Variants in TMEM131 observed in about 807,000 individuals in gnomAD.
TMEM131 encodes the protein 2610524E03Rik.
A neutral mutation model predicts 211.6 loss-of-function variants in TMEM131; 66 were observed. The observed-to-expected ratio is 0.31, with a 90% CI of 0.26 to 0.38. The LOEUF is 0.38. Ranked by LOEUF, TMEM131 falls within the 10% of genes least tolerant of loss-of-function variation. The pLI, the probability that TMEM131 is intolerant of heterozygous loss-of-function variation, is 1.00. For missense variants in TMEM131, 2,036 were observed against 2,299.3 expected (o/e 0.89, Z 2.34); for synonymous variants, 844 against 841.3 (o/e 1.00, Z -0.06).
intron 7 of TMEM131, among the ~76,000 whole-genome samples, chr2:97,838,000 G>C (rs537467611): frequency 6.6e-6 from 1 of 152,174 alleles, no homozygotes; most frequent in South Asian, 2.1e-4. Flanking sequence ...CTTGTGTCTG[G>C]CTTCTTTTGC....
At chr2:97,807,343 C>T (rs1279418454) in intron 19 of TMEM131, among the ~76,000 whole-genome samples, 1 of 152,122 alleles carries the variant, frequency 6.6e-6, no homozygotes, top group Non-Finnish European at 1.5e-5. Context: ...AGGGGTGGAT[C>T]CCTCATGAAT....
intron 2 of TMEM131, among the ~76,000 whole-genome samples, chr2:97,909,148 C>G (rs1294323479): frequency 6.6e-6 from 1 of 151,990 alleles, no homozygotes; most frequent in Admixed American, 6.6e-5. Flanking sequence ...GTGCTGTGAA[C>G]AGGAATAAAT....
chr2:97,981,187 C>CT (rs542394085), intron 1 of TMEM131, among the ~76,000 whole-genome samples: 83 of 151,246 alleles, frequency 5.5e-4, no homozygotes, highest in African/African-American at 1.9e-3. Flanking sequence ...TTTCCTCATT[C>CT]TTTTTTAAGG....
rs750965149 is a variant in TMEM131 at position 97,834,771 on chromosome 2, T to C, written c.955+4A>G. On this transcript the variant is annotated splice_donor_region_variant and intron_variant, in intron 9 of 40. Transcript: ENST00000186436. Reference sequence around the variant, plus strand: ...ACTTTCGATTTCATCAGTTTTCCACTAACCTGTTGTAACTTCAACCTCAAC... The same window carrying C: ...ACTTTCGATTTCATCAGTTTTCCACCAACCTGTTGTAACTTCAACCTCAAC... 3.1e-6 allele frequency: 5 copies of C among 1,612,544 alleles called. No homozygotes were observed. In the Admixed American group the frequency reaches 8.4e-5, roughly 27 times the overall value.
chr2:97,939,974 C>G (rs567310776), intron 1 of TMEM131, among the ~76,000 whole-genome samples: 1 of 152,238 alleles, frequency 6.6e-6, no homozygotes, highest in Non-Finnish European at 1.5e-5. Context: ...ATTCAACATC[C>G]CTTCATGCTA....
intron 3 of TMEM131, among the ~76,000 whole-genome samples, chr2:97,900,038 G>A (rs1675783677): frequency 6.6e-6 from 1 of 152,032 alleles, no homozygotes; most frequent in Non-Finnish European, 1.5e-5. Flanking sequence ...TTTTAAGGTA[G>A]CCTAGTCTCC....
intron 4 of TMEM131, among the ~76,000 whole-genome samples, chr2:97,880,493 T>A (rs1240459574): frequency 6.6e-6 from 1 of 151,970 alleles, no homozygotes; most frequent in African/African-American, 2.4e-5. Context: ...GTAGTGAGGA[T>A]TAGAGCAGAA....
rs1235656646 is a variant in TMEM131, at chr2:97,757,344, G to C, written c.5407C>G (p.Pro1803Ala). ...GNTSGLWSTT[P>A]FSSSIWSSNL... ...CTGGACCAAATGGAGCTGCTGAATG[G>C]AGTGGTGGACCACAGGCCGCTGGTG... Residue 1803 changes from proline to alanine, a missense_variant, in exon 41 of 41, where the codon CCA becomes GCA. Pro to Ala is a conservative substitution (Grantham distance 27). Transcript: ENST00000186436. The C allele has an allele frequency of 6.2e-7, 1 of 1,612,960 alleles. No homozygotes were observed. Among genetic ancestry groups the C allele is most frequent in the South Asian group, 1.1e-5 (1 of 90,966 alleles).
At chr2:97,958,361 C>A (rs1158285334) in intron 1 of TMEM131, among the ~76,000 whole-genome samples, 3 of 152,168 alleles carry the variant, frequency 2.0e-5, no homozygotes, top group Non-Finnish European at 4.4e-5. Flanking sequence ...TCTCAACGAC[C>A]TTCCAATACT....
chr2:97,942,799 C>A (rs1490952886), intron 1 of TMEM131, among the ~76,000 whole-genome samples: 1 of 151,734 alleles, frequency 6.6e-6, no homozygotes, highest in African/African-American at 2.4e-5. Flanking sequence ...AAAACATATC[C>A]TTCACAAGCT....
chr2:97,963,287 G>A (rs1678902010), intron 1 of TMEM131, among the ~76,000 whole-genome samples: 1 of 152,184 alleles, frequency 6.6e-6, no homozygotes, highest in Admixed American at 6.5e-5. Context: ...TACCCTGAAG[G>A]CACATAGATG....
chr2:97,869,220 C>A (rs1674393660), intron 4 of TMEM131, among the ~76,000 whole-genome samples: 1 of 152,186 alleles, frequency 6.6e-6, no homozygotes, highest in Non-Finnish European at 1.5e-5. Context: ...TACAATCAAT[C>A]TCAGCTAAGA....
In TMEM131 at chr2:97,772,350, T is replaced by C. The variant is rs1168000124; in HGVS notation, c.4395A>G (p.Lys1465=). 3.7e-6 allele frequency: 6 copies of C among 1,603,314 alleles called. No homozygotes were observed. Among genetic ancestry groups the C allele is most frequent in the Admixed American group, 1.8e-5 (1 of 56,672 alleles). ...HESEMSQVKQ[K]SKKLLNIKKE... ...TCTTAATATTTAAGAGTTTTTTGCT[T>C]TTTTGCTTCACTTGAGACATTTCAC... Residue 1465 remains lysine, a synonymous_variant, in exon 33 of 41, where the codon AAA becomes AAG. Coordinates refer to ENST00000186436, the MANE Select transcript of TMEM131 (RefSeq NM_015348.2).
At chr2:97,805,517 C>T (rs1216734193) in intron 20 of TMEM131, 34 bp downstream of exon 20, 2 of 1,610,720 alleles carry the variant, frequency 1.2e-6, no homozygotes, top group Non-Finnish European at 1.7e-6. Flanking sequence ...AAAATGTTAA[C>T]CAATGGGAAT....
At chr2:97,886,527 C>G (rs1192695484) in intron 4 of TMEM131, among the ~76,000 whole-genome samples, 1 of 152,122 alleles carries the variant, frequency 6.6e-6, no homozygotes, top group East Asian at 1.9e-4. Context: ...TGGGTACTTT[C>G]CTCAGCTGTC....
chr2:97,878,572 T>C (rs1245251473), intron 4 of TMEM131, among the ~76,000 whole-genome samples: 1 of 152,198 alleles, frequency 6.6e-6, no homozygotes. Flanking sequence ...CTGGAAATCA[T>C]CATTCTCAGC....
intron 1 of TMEM131, among the ~76,000 whole-genome samples, chr2:97,991,480 T>G (rs2104683624): frequency 6.6e-6 from 1 of 152,216 alleles, no homozygotes; most frequent in East Asian, 1.9e-4. Context: ...GCAGGCAGAA[T>G]AATCATAGCA....
chr2:97,895,299 G>A (rs113823485), intron 3 of TMEM131, among the ~76,000 whole-genome samples: 5 of 152,146 alleles, frequency 3.3e-5, no homozygotes, highest in Admixed American at 1.3e-4. Flanking sequence ...TTCTCGCATC[G>A]ATGTTCATTA....
chr2:97,771,377 A>G (rs567217404), intron 33 of TMEM131, among the ~76,000 whole-genome samples: 59 of 152,296 alleles, frequency 3.9e-4, no homozygotes, highest in Non-Finnish European at 6.6e-4. Context: ...TAATCTAGGG[A>G]CAGAGTCTAG....
Sources: allele counts gnomAD v4.1 joint callset (sites outside exome capture counted in the v4.1 genomes callset), GRCh38; gene constraint gnomAD v4.1.1; transcripts MANE v1.5; gene names NCBI Gene and HGNC (gene_info 2026-07-23, HGNC 2026-07-21).